Variants in SPTAN1 observed in about 807,000 individuals in gnomAD.
SPTAN1 encodes spectrin alpha chain, non-erythrocytic 1.
SPTAN1 carries 61 observed loss-of-function variants against 331.3 expected under a neutral mutation model. The observed-to-expected ratio is 0.18, with a 90% CI of 0.15 to 0.23. The LOEUF is 0.23. SPTAN1 is among the 10% of genes least tolerant of loss of function. The pLI, the probability that SPTAN1 is intolerant of heterozygous loss-of-function variation, is 1.00. For missense variants in SPTAN1, 2,043 were observed against 3,147.9 expected, an observed-to-expected ratio of 0.65 and a Z score of 8.40; for synonymous variants, 1,153 against 1,173.9, an observed-to-expected ratio of 0.98 and a Z score of 0.36.
rs372559841 is a variant in SPTAN1 at position 128,606,040 on chromosome 9, G to A, written c.4046+563G>A. Among the ~76,000 whole-genome samples the A allele has an allele frequency of 3.2e-4, 48 of 151,626 alleles. No individual in the cohort carries two copies. The East Asian group carries it at 7.4e-3, about 23-fold the overall frequency. ...CAGAAAAAAGTAGTACATAATCAAT[G>A]TAAAATAGTCAAACTACTGAATGCC... On this transcript the variant is annotated intron_variant, in intron 31 of 56. Transcript: ENST00000372739.
At chr9:128,598,579 C>G in intron 25 of SPTAN1, 75 bp downstream of exon 25, 1 of 1,218,160 alleles carries the variant, frequency 8.2e-7, no homozygotes, top group East Asian at 2.5e-5. Context: ...TCTGTCATAG[C>G]CCAACAAGCA....
intron 11 of SPTAN1, 124 bp downstream of exon 11, chr9:128,581,183 G>A (rs1589205152): frequency 2.2e-6 from 3 of 1,353,370 alleles, no homozygotes; most frequent in East Asian, 4.8e-5. Flanking sequence ...CCATTGAAGA[G>A]GGGGAATTGA....
At chr9:128,593,260 C>G in intron 23 of SPTAN1, 1 of 627,132 alleles carries the variant, frequency 1.6e-6, no homozygotes, top group Admixed American at 2.1e-5. Flanking sequence ...CCATGTGCAG[C>G]TGTGTGTTCA....
chr9:128,557,275 A>C (rs972895136), intron 1 of SPTAN1, among the ~76,000 whole-genome samples: 1 of 152,214 alleles, frequency 6.6e-6, no homozygotes, highest in African/African-American at 2.4e-5. Flanking sequence ...AGTGCATTCA[A>C]CTTGCTGAAA....
In SPTAN1 at chr9:128,577,047, G is replaced by C; in HGVS notation, c.786-82G>C. On this transcript the variant is annotated intron_variant, in intron 6 of 56. Transcript: ENST00000372739. This position sits in a 1 kb window ranked among gnomAD's most constrained non-coding sequence, Gnocchi z 4.2. ...CATGTGCTGGTGAGCTGTCGAGGCT[G>C]ACTAGGCCTTGGTCCCATGGGGTGT... 6.2e-7 allele frequency: 1 copy of C among 1,613,786 alleles called. No individual in the cohort carries two copies. Among genetic ancestry groups the C allele is most frequent in the Non-Finnish European group, 8.5e-7 (1 of 1,179,914 alleles).
chr9:128,569,460 C>T (rs915318520), intron 3 of SPTAN1, among the ~76,000 whole-genome samples: 1 of 150,722 alleles, frequency 6.6e-6, no homozygotes, highest in Non-Finnish European at 1.5e-5. Flanking sequence ...GATTTTAGTG[C>T]GAGTTTATTG....
At chr9:128,581,389 C>G (rs1420352644) in intron 11 of SPTAN1, among the ~76,000 whole-genome samples, 1 of 150,670 alleles carries the variant, frequency 6.6e-6, no homozygotes, top group Admixed American at 6.6e-5. Flanking sequence ...GGGAGTATCC[C>G]TTGAGCCCAG....
intron 1 of SPTAN1, among the ~76,000 whole-genome samples, chr9:128,558,164 G>C (rs1438008964): frequency 6.6e-6 from 1 of 152,098 alleles, no homozygotes. Context: ...TCCGAGATCT[G>C]GTAGTATTGT....
intron 28 of SPTAN1, 133 bp downstream of exon 28, chr9:128,603,723 T>C (rs546557618): frequency 9.7e-6 from 11 of 1,137,724 alleles, no homozygotes; most frequent in African/African-American, 7.6e-5. Context: ...GGTCCAAGCA[T>C]GTCCTAAGTA....
chr9:128,619,023 T>G lies in SPTAN1; in HGVS notation c.5733+20T>G, dbSNP rs1435179164. On this transcript the variant is annotated intron_variant, in intron 44 of 56. Transcript: ENST00000372739. ...ATCCAGGTGAGACAGAAACCAAAGG[T>G]GTCACCTGCTTTCTCTCTTGGCAAC... 6.2e-7 allele frequency: 1 copy of G among 1,612,976 alleles called. No individual in the cohort carries two copies. The highest frequency in any genetic ancestry group is 1.7e-5 in the Admixed American group (1 of 59,974).
At position 128,625,671 on chromosome 9, in the gene SPTAN1, T is replaced by G; in HGVS notation, c.6070-98T>G. ...CAGTGTCCAGGTGGACAGTTTGGCT[T>G]GGGCATCTGGGGGACATGCTGGTGC... is the stretch of plus-strand genomic sequence containing the variant. On this transcript the variant is annotated intron_variant, in intron 47 of 56. Coordinates refer to ENST00000372739, the MANE Select transcript of SPTAN1 (RefSeq NM_001130438.3). The surrounding 1 kb of genome is among the most constrained non-coding windows in gnomAD (Gnocchi z 4.1). 8.7e-7 allele frequency: 1 copy of G among 1,144,768 alleles called. No individual in the cohort carries two copies. Among genetic ancestry groups the G allele is most frequent in the Non-Finnish European group, 1.3e-6 (1 of 764,992 alleles). 70.9% of individuals were successfully genotyped at this position (1,144,768 alleles called of 1,614,324 possible).
At chr9:128,615,929 G>A in intron 41 of SPTAN1, 89 bp downstream of exon 41, 1 of 1,425,940 alleles carries the variant, frequency 7.0e-7, no homozygotes, top group Non-Finnish European at 9.8e-7. Context: ...GGTGAGGCTG[G>A]AAACCCTGCT....
chr9:128,560,013 G>A (rs1163394005), intron 1 of SPTAN1, among the ~76,000 whole-genome samples: 3 of 151,718 alleles, frequency 2.0e-5, no homozygotes, highest in Admixed American at 2.0e-4. Context: ...GGGATTACAG[G>A]TGTGAGCCAC....
At chr9:128,560,490 C>T (rs1192359997) in intron 1 of SPTAN1, among the ~76,000 whole-genome samples, 1 of 151,876 alleles carries the variant, frequency 6.6e-6, no homozygotes, top group East Asian at 2.0e-4. Context: ...AAGGGATTCT[C>T]CAGCCCCAGC....
At position 128,576,961 on chromosome 9, in the gene SPTAN1, C is replaced by T. The variant is rs776310053; in HGVS notation, c.785+5C>T. ...AGAAGTTCAGCGCTTTAACAGGTGT[C>T]AAGCCAGAGTGGGCTTTGGGGAATG... On this transcript the variant is annotated splice_donor_5th_base_variant and intron_variant, in intron 6 of 56. Coordinates refer to ENST00000372739, the MANE Select transcript of SPTAN1 (RefSeq NM_001130438.3). 6.1e-5 allele frequency: 98 copies of T among 1,613,972 alleles called. No individual in the cohort carries two copies. Among genetic ancestry groups the T allele is most frequent in the Non-Finnish European group, 8.2e-5 (97 of 1,180,044 alleles).
chr9:128,584,161 G>A, intron 16 of SPTAN1, 121 bp from the exon 17 acceptor site: 2 of 1,529,920 alleles, frequency 1.3e-6, no homozygotes, highest in Non-Finnish European at 1.8e-6. Context: ...AGCCCCAGAT[G>A]AAGGAAGGAG....
intron 3 of SPTAN1, among the ~76,000 whole-genome samples, chr9:128,570,179 G>C (rs774135440): frequency 3.3e-5 from 5 of 151,666 alleles, no homozygotes; most frequent in Non-Finnish European, 5.9e-5. Context: ...TATGTAACCA[G>C]CTTACAGATG....
At chr9:128,610,377 CA>C (rs1248204958) in intron 37 of SPTAN1, among the ~76,000 whole-genome samples, 1 of 152,140 alleles carries the variant, frequency 6.6e-6, no homozygotes, top group African/African-American at 2.4e-5. Flanking sequence ...GGACTTTTGT[CA>C]GGATATCTGA....
At chr9:128,598,580 C>T in intron 25 of SPTAN1, 76 bp downstream of exon 25, 2 of 1,213,366 alleles carry the variant, frequency 1.6e-6, no homozygotes, top group Admixed American at 2.0e-5. Flanking sequence ...CTGTCATAGC[C>T]CAACAAGCAG....
Sources: allele counts gnomAD v4.1 joint callset (sites outside exome capture counted in the v4.1 genomes callset), GRCh38; gene constraint gnomAD v4.1.1; non-coding constraint Gnocchi (gnomAD v3.1); transcripts MANE v1.5; gene names NCBI Gene and HGNC (gene_info 2026-07-23, HGNC 2026-07-21).